The following TANC1 variants were observed in gnomAD, a reference collection of about 807,000 sequenced individuals.
TANC1 encodes tetratricopeptide repeat, ankyrin repeat and coiled-coil containing 1.
TANC1 carries 77 observed loss-of-function variants against 149.7 expected under a neutral mutation model. That is an observed-to-expected ratio of 0.51 (90% CI 0.43 to 0.62). TANC1 has a LOEUF of 0.62. TANC1 is among the 20% of genes least tolerant of loss of function. The pLI, the probability that TANC1 is intolerant of heterozygous loss-of-function variation, is 0.00. For missense variants in TANC1, 1,985 were observed against 2,321.8 expected (o/e 0.85, Z 2.98); for synonymous variants, 854 against 925.0 (o/e 0.92, Z 1.39).
intron 5 of TANC1, among the ~76,000 whole-genome samples, chr2:159,146,364 G>C (rs1217796167): frequency 2.0e-5 from 3 of 152,186 alleles, no homozygotes; most frequent in African/African-American, 7.2e-5. Flanking sequence ...CAGGTGGGAA[G>C]CCTTTGGAAG....
At chr2:159,063,493 T>G (rs2042415199) in intron 2 of TANC1, among the ~76,000 whole-genome samples, 1 of 152,290 alleles carries the variant, frequency 6.6e-6, no homozygotes, top group Admixed American at 6.5e-5. Context: ...TGTGTTAGTT[T>G]CAGAATTTAA....
intron 1 of TANC1, among the ~76,000 whole-genome samples, chr2:158,993,507 C>T (rs893706196): frequency 5.9e-5 from 9 of 152,104 alleles, no homozygotes; most frequent in South Asian, 2.1e-4. Context: ...CATGAAATAC[C>T]GTGCCCGCCT....
At chr2:159,121,227 T>A (rs965319759) in intron 4 of TANC1, among the ~76,000 whole-genome samples, 1 of 152,240 alleles carries the variant, frequency 6.6e-6, no homozygotes, top group African/African-American at 2.4e-5. Context: ...TCCTACCTGA[T>A]GCTGGCTCAC....
chr2:159,159,717 TGAGAGAGAGA>T (rs56101796), intron 7 of TANC1, among the ~76,000 whole-genome samples: 29,309 of 114,566 alleles, frequency 0.26, 3,943 homozygotes, highest in South Asian at 0.39. Flanking sequence ...TGTGTGTGTG[TGAGAGAGAGA>T]GAGAGAGAGA....
chr2:159,222,591 T>A (rs1182965067), intron 22 of TANC1, among the ~76,000 whole-genome samples: 1 of 152,234 alleles, frequency 6.6e-6, no homozygotes, highest in East Asian at 1.9e-4. Context: ...AGGATGAATA[T>A]TGCTCCATTG....
At chr2:159,023,967 CA>C (rs113392917) in intron 2 of TANC1, among the ~76,000 whole-genome samples, 8,338 of 105,168 alleles carry the variant, frequency 0.079, 584 homozygotes, top group African/African-American at 0.23. Flanking sequence ...GACTCCATCT[CA>C]AAAAAAAAAA....
At chr2:159,180,508 A>C (rs1453311527) in intron 14 of TANC1, among the ~76,000 whole-genome samples, 1 of 152,216 alleles carries the variant, frequency 6.6e-6, no homozygotes, top group African/African-American at 2.4e-5. Context: ...AGCCTAGGTC[A>C]GAGCTAGGGT....
At chr2:158,974,630 A>G (rs1474390684) in intron 1 of TANC1, among the ~76,000 whole-genome samples, 1 of 152,054 alleles carries the variant, frequency 6.6e-6, no homozygotes, top group East Asian at 1.9e-4. Context: ...ATGGGGTTTC[A>G]CCATGTTGGC....
chr2:159,228,251 T>C (rs1456849544), intron 25 of TANC1: 1 of 376,864 alleles, frequency 2.7e-6, no homozygotes, highest in East Asian at 5.5e-5. Flanking sequence ...CCCAACACTG[T>C]TGCTGCTGGC....
Position 159,136,257 on chromosome 2 carries a change from C to T in TANC1, c.323C>T (p.Pro108Leu), listed in dbSNP as rs779873415. The T allele has an allele frequency of 6.2e-7, 1 of 1,613,084 alleles. No homozygotes were observed. The highest frequency in any genetic ancestry group is 8.5e-7 in the Non-Finnish European group (1 of 1,179,208). The change falls in exon 5 of 27, where the codon CCA becomes CTA. Residue 108 changes from proline to leucine, a missense_variant. Around this residue, in one of 3 missense-constraint regions of TANC1, gnomAD observed 557 missense variants for 612.9 expected, o/e 0.91. Transcript: ENST00000263635. ...GTGCCTGGAGATGCAGTTATAATGC[C>T]ATTCAGAGAAGTAGCCAAGCCAACA... is the stretch of plus-strand genomic sequence containing the variant. ...PRVPGDAVIM[P>L]FREVAKPTEP...
At position 158,986,043 on chromosome 2, in the gene TANC1, C is replaced by T. The variant is rs75615189; in HGVS notation, c.-125-15037C>T. On this transcript the variant is annotated intron_variant, in intron 1 of 26. Transcript: ENST00000263635. ...TTCTCTCCTGTTTGCTTGGAGGGTC[C>T]GATCTTACAAGTAAACAGCTTAGGT... is the stretch of plus-strand genomic sequence containing the variant. Among the ~76,000 whole-genome samples the T allele has an allele frequency of 1.1e-4, 16 of 152,230 alleles. No homozygotes were observed. The East Asian group carries it at 1.9e-3, about 18-fold the overall frequency.
chr2:159,138,946 G>T (rs2051068691), intron 5 of TANC1, among the ~76,000 whole-genome samples: 1 of 152,218 alleles, frequency 6.6e-6, no homozygotes, highest in Non-Finnish European at 1.5e-5. Context: ...ACAAACCAAA[G>T]AACATTTTGA....
intron 2 of TANC1, among the ~76,000 whole-genome samples, chr2:159,046,668 C>T (rs1035448861): frequency 2.1e-5 from 3 of 139,868 alleles, no homozygotes; most frequent in African/African-American, 5.5e-5. Flanking sequence ...GGCACAATCT[C>T]GGCTCATTGC....
intron 2 of TANC1, among the ~76,000 whole-genome samples, chr2:159,048,540 A>C (rs769111620): frequency 6.6e-6 from 1 of 152,156 alleles, no homozygotes; most frequent in Admixed American, 6.5e-5. Context: ...AATTGTGGGA[A>C]TTGATCATTT....
In TANC1 at chr2:159,156,232, T is replaced by G. The variant is rs138838856; in HGVS notation, c.682+5676T>G. Among the ~76,000 whole-genome samples, 4 of 152,356 alleles carry G rather than the reference T, an allele frequency of 2.6e-5. No homozygotes were observed. In the East Asian group the frequency reaches 7.7e-4, roughly 29 times the overall value. On this transcript the variant is annotated intron_variant, in intron 7 of 26. Coordinates refer to ENST00000263635, the MANE Select transcript of TANC1 (RefSeq NM_033394.3). ...TTTCAAGTCTGGGTTAATATTCATT[T>G]TGCTACGTTGCCTGCAATTTTTAAA... is the stretch of plus-strand genomic sequence containing the variant.
At chr2:159,124,013 G>A (rs1200766256) in intron 4 of TANC1, among the ~76,000 whole-genome samples, 1 of 152,078 alleles carries the variant, frequency 6.6e-6, no homozygotes, top group Non-Finnish European at 1.5e-5. Flanking sequence ...CTTGGGCTGT[G>A]GGCAAGGTCT....
chr2:159,110,473 G>GT (rs1279972084), intron 4 of TANC1, among the ~76,000 whole-genome samples: 2 of 152,202 alleles, frequency 1.3e-5, no homozygotes, highest in African/African-American at 4.8e-5. Context: ...TCTATGTTTG[G>GT]TTTTGTTTCT....
chr2:159,058,501 A>AG (rs2042012961), intron 2 of TANC1, among the ~76,000 whole-genome samples: 1 of 152,164 alleles, frequency 6.6e-6, no homozygotes, highest in Admixed American at 6.5e-5. Flanking sequence ...GTACATTGCT[A>AG]GATGCCATGG....
intron 5 of TANC1, among the ~76,000 whole-genome samples, chr2:159,140,686 AT>A (rs375936311): frequency 0.24 from 25,950 of 109,396 alleles, 2,335 homozygotes; most frequent in Middle Eastern, 0.3. Context: ...GAGATTCTCT[AT>A]TTTTTTTTTT....
Sources: allele counts gnomAD v4.1 joint callset (sites outside exome capture counted in the v4.1 genomes callset), GRCh38; gene constraint gnomAD v4.1.1; regional missense constraint gnomAD v4.1.1; transcripts MANE v1.5; gene names NCBI Gene and HGNC (gene_info 2026-07-23, HGNC 2026-07-21).